ANK2: variants seen among roughly 807,000 people sequenced by gnomAD.
The protein encoded by ANK2 is ankyrin-2.
In ANK2, 83 loss-of-function variants were observed where a neutral mutation model predicts 360.5. The ratio of observed to expected loss-of-function variants is 0.23; its 90% CI spans 0.19 to 0.28. ANK2 has a LOEUF of 0.28. Ranked by LOEUF, ANK2 falls within the 10% of genes least tolerant of loss-of-function variation. ANK2 has a pLI of 1.00. For missense variants in ANK2, 4,201 were observed against 4,795.7 expected (o/e 0.88, Z 3.66); for synonymous variants, 1,740 against 1,759.5 (o/e 0.99, Z 0.28).
chr4:113,160,287 A>T (rs2097477184), intron 1 of ANK2: 2 of 395,708 alleles, frequency 5.1e-6, no homozygotes, highest in African/African-American at 2.1e-5. Context: ...CTGGTCTCAA[A>T]CTCCTGGAGC....
At chr4:112,933,308 C>T (rs527820058) in intron 2 of ANK2, among the ~76,000 whole-genome samples, 12 of 152,278 alleles carry the variant, frequency 7.9e-5, no homozygotes, top group Non-Finnish European at 1.3e-4. Context: ...AAGTCTCCCT[C>T]TGCTTTTATA....
chr4:113,240,480 C>T lies in ANK2; in HGVS notation c.694-5C>T. The T allele has an allele frequency of 1.2e-6, 2 of 1,609,954 alleles. No individual in the cohort carries two copies. The highest frequency in any genetic ancestry group is 1.7e-6 in the Non-Finnish European group (2 of 1,176,302). On this transcript the variant is annotated splice_polypyrimidine_tract_variant and splice_region_variant and intron_variant, in intron 7 of 45. Coordinates refer to ENST00000357077, the MANE Select transcript of ANK2 (RefSeq NM_001148.6). ...ATACTGACTGTCATATCTTTGCTTT[C>T]ATAGAGTGGTTTTACCCCTTTGCAC...
intron 7 of ANK2, 152 bp from the exon 8 acceptor site, chr4:113,240,333 C>T (rs2039091998): frequency 1.7e-5 from 11 of 666,126 alleles, no homozygotes; most frequent in Non-Finnish European, 2.7e-6. Context: ...TATGTACCAC[C>T]TTATAACATT....
chr4:112,776,136 T>C, the ANK2 span, among the ~76,000 whole-genome samples: 2 of 152,130 alleles, frequency 1.3e-5, no homozygotes, highest in African/African-American at 4.8e-5. Flanking sequence ...GAGGAAGTAG[T>C]GAGGGATACT....
At chr4:112,839,487 T>G (rs1450179531) in intron 1 of ANK2, among the ~76,000 whole-genome samples, 1 of 152,218 alleles carries the variant, frequency 6.6e-6, no homozygotes, top group African/African-American at 2.4e-5. Flanking sequence ...GAATATGTGC[T>G]GAGTCTTTAA....
chr4:113,304,300 G>C (rs1196002637), intron 23 of ANK2, among the ~76,000 whole-genome samples: 1 of 152,128 alleles, frequency 6.6e-6, no homozygotes, highest in East Asian at 1.9e-4. Flanking sequence ...GATATTTTTG[G>C]AGTGAAAGCT....
the ANK2 span, among the ~76,000 whole-genome samples, chr4:112,780,497 GA>G: frequency 6.6e-6 from 1 of 152,144 alleles, no homozygotes; most frequent in Non-Finnish European, 1.5e-5. Flanking sequence ...GTTAGCTGTA[GA>G]ATATAGGTAA....
intron 1 of ANK2, among the ~76,000 whole-genome samples, chr4:112,898,443 T>C (rs2082344724): frequency 6.6e-6 from 1 of 152,160 alleles, no homozygotes. Flanking sequence ...ATGTGTCTGA[T>C]GATTTTCTCA....
At position 113,357,021 on chromosome 4, in the gene ANK2, T is replaced by C; in HGVS notation, c.8403T>C (p.Val2801=). The C allele has an allele frequency of 6.2e-7, 1 of 1,614,090 alleles. No homozygotes were observed. The highest frequency in any genetic ancestry group is 1.3e-5 in the African/African-American group (1 of 75,040). Residue 2801 remains valine, a synonymous_variant, in exon 38 of 46, where the codon GTT becomes GTC. Transcript: ENST00000357077. ...SGLQSPTGDD[V]DEQPVIYKES... ...TACAGAGTCCGACTGGTGATGATGT[T>C]GATGAACAGCCAGTCATCTATAAAG...
At chr4:112,958,265 C>A (rs1233105222) in intron 2 of ANK2, among the ~76,000 whole-genome samples, 1 of 152,198 alleles carries the variant, frequency 6.6e-6, no homozygotes, top group African/African-American at 2.4e-5. Context: ...GAGGTTGTAG[C>A]GAGCCGAGAT....
intron 2 of ANK2, among the ~76,000 whole-genome samples, chr4:112,940,879 T>A (rs113155028): frequency 6.6e-6 from 1 of 152,116 alleles, no homozygotes; most frequent in African/African-American, 2.4e-5. Flanking sequence ...TCAAAGAGTA[T>A]GATTTATTTA....
Position 113,367,525 on chromosome 4 carries a change from AG to A in ANK2, c.11033-39del, listed in dbSNP as rs758702030. On this transcript the variant is annotated intron_variant, in intron 41 of 45. Transcript: ENST00000357077. ...TACTTAATAAATATCCATTCAATAT[AG>A]GTAAGCTTCAACTAAATACTTAAAT... is the stretch of plus-strand genomic sequence containing the variant. 12 of 1,584,952 alleles carry A rather than the reference AG, an allele frequency of 7.6e-6. No homozygotes were observed. The South Asian group carries it at 1.2e-4, about 16-fold the overall frequency.
At chr4:113,237,926 T>C (rs1585691924) in intron 7 of ANK2, among the ~76,000 whole-genome samples, 1 of 152,216 alleles carries the variant, frequency 6.6e-6, no homozygotes, top group East Asian at 1.9e-4. Context: ...CAAGAAGAGA[T>C]ATGATTTTAT....
intron 32 of ANK2, among the ~76,000 whole-genome samples, chr4:113,339,886 TAACTTGACATTAC>T (rs2094055046): frequency 6.6e-6 from 1 of 152,250 alleles, no homozygotes; most frequent in Non-Finnish European, 1.5e-5. Flanking sequence ...TACCTCTCTT[TAACTTGACATTAC>T]AACTTTGTGA....
At chr4:113,014,312 T>C (rs1357701961) in intron 2 of ANK2, among the ~76,000 whole-genome samples, 1 of 152,244 alleles carries the variant, frequency 6.6e-6, no homozygotes, top group Non-Finnish European at 1.5e-5. Flanking sequence ...TAGGCACTGT[T>C]GTAAGAGTTT....
In ANK2 at chr4:113,369,600, G is replaced by A. The variant is rs2096656921; in HGVS notation, c.11405G>A (p.Ser3802Asn). Reference sequence around the variant, plus strand: ...CCCAGCAAGACACCTGAGGAAGTTAGCACCCCTGCAGAGGAGGAGAAGCTG... The same window carrying A: ...CCCAGCAAGACACCTGAGGAAGTTAACACCCCTGCAGAGGAGGAGAAGCTG... ...SSPSKTPEEVSTPAEEEKLYL... is the reference protein window; with the variant it reads ...SSPSKTPEEVNTPAEEEKLYL... The change falls in exon 43 of 46, where the codon AGC (serine) becomes AAC (asparagine). Residue 3802 changes from serine to asparagine, a missense_variant. Around this residue, in one of 4 missense-constraint regions of ANK2, gnomAD observed 2,642 missense variants for 2,714.5 expected, o/e 0.97. Coordinates refer to ENST00000357077, the MANE Select transcript of ANK2 (RefSeq NM_001148.6). 4 of 1,614,002 alleles carry A rather than the reference G, an allele frequency of 2.5e-6. No individual in the cohort carries two copies. Among genetic ancestry groups the A allele is most frequent in the Non-Finnish European group, 3.4e-6 (4 of 1,180,018 alleles).
At chr4:113,094,485 G>A (rs1581378334) in intron 1 of ANK2, among the ~76,000 whole-genome samples, 1 of 152,018 alleles carries the variant, frequency 6.6e-6, no homozygotes, top group African/African-American at 2.4e-5. Flanking sequence ...AGGACCAGAA[G>A]GAATTTATGT....
intron 20 of ANK2, among the ~76,000 whole-genome samples, chr4:113,291,242 GGAA>G (rs556931677): frequency 9.8e-5 from 15 of 152,288 alleles, no homozygotes; most frequent in African/African-American, 3.1e-4. Flanking sequence ...ACAACAAAAA[GGAA>G]GAATTTTTAC....
rs1224466291 is a variant in ANK2 at position 112,940,439 on chromosome 4, TAAAAA to T, written c.21+35927_21+35931del. ...ACACAATAAAAGGAGCTAGTGACAT[TAAAAA>T]ATTTGGCTCTATCTGAACACACACA... On this transcript the variant is annotated intron_variant, in intron 2 of 30. Coordinates refer to the ANK2 transcript ENST00000503271. 4.6e-5 allele frequency among the ~76,000 whole-genome samples: 7 copies of T among 152,258 alleles called. No individual in the cohort carries two copies. In the East Asian group the frequency reaches 1.4e-3, roughly 29 times the overall value.
Sources: gnomAD v4.1 joint callset for allele counts (sites outside exome capture counted in the v4.1 genomes callset) on GRCh38, gnomAD v4.1.1 for gene constraint, gnomAD v4.1.1 regional missense constraint, MANE v1.5 for transcripts, NCBI Gene and HGNC (gene_info 2026-07-23, HGNC 2026-07-21) for gene names.